The following ACSL6 variants were observed in gnomAD, a reference collection of about 807,000 sequenced individuals.
The protein encoded by ACSL6 is acyl-CoA synthetase long chain family member 6.
A neutral mutation model predicts 98.2 loss-of-function variants in ACSL6; 47 were observed. The observed-to-expected ratio is 0.48, with a 90% CI of 0.38 to 0.61. The LOEUF (loss-of-function observed/expected upper bound fraction) is 0.61. Ranked by LOEUF, ACSL6 falls within the 20% of genes least tolerant of loss-of-function variation. The pLI, the probability that ACSL6 is intolerant of heterozygous loss-of-function variation, is 0.00. For missense variants in ACSL6, 761 were observed against 913.4 expected, an observed-to-expected ratio of 0.83 and a Z score of 2.15; for synonymous variants, 362 against 336.9, an observed-to-expected ratio of 1.07 and a Z score of -0.82.
rs115168931 is a variant in ACSL6, at chr5:131,968,289, A to G, written c.1508-261T>C. Reference sequence around the variant, plus strand: ...GGACAGGCACACCTGGCCCAGCACCAACGTGCACAGGGTCCTGGGTAGGGT... The same window carrying G: ...GGACAGGCACACCTGGCCCAGCACCGACGTGCACAGGGTCCTGGGTAGGGT... On this transcript the variant is annotated intron_variant, in intron 15 of 20. Transcript: ENST00000651883. 6.9e-4 allele frequency: 279 copies of G among 402,592 alleles called. 1 individual carries two copies. Among genetic ancestry groups the G allele is most frequent in the African/African-American group, 4.8e-3 (240 of 49,648 alleles). The allele number at this position is 402,592 out of a possible 1,614,324, so 24.9% of individuals were successfully genotyped here.
At chr5:132,008,909 T>C (rs1395730713) in intron 1 of ACSL6, among the ~76,000 whole-genome samples, 3 of 152,256 alleles carry the variant, frequency 2.0e-5, no homozygotes, top group Non-Finnish European at 1.5e-5. Context: ...CTTCCTACTT[T>C]GCACAAAGGT....
At chr5:131,959,132 G>A (rs1255215454) in intron 20 of ACSL6, among the ~76,000 whole-genome samples, 7 of 152,174 alleles carry the variant, frequency 4.6e-5, no homozygotes, top group East Asian at 1.9e-4. Flanking sequence ...TCACTGGCCC[G>A]AGAAGACCAA....
Position 131,972,844 on chromosome 5 carries a change from T to G in ACSL6, c.1218A>C (p.Ala406=). ...GGAGCCAGCGCTTTAATGGTGTGTT[T>G]GCCTGGCTGAAGATCTGAGGAACAT... is the stretch of plus-strand genomic sequence containing the variant. The part of the protein sequence containing the change: ...NRMYDKIFSQ[A]NTPLKRWLLE... Residue 406 remains alanine, a synonymous_variant, in exon 13 of 21, where the codon GCA becomes GCC. Transcript: ENST00000651883. 1 of 1,614,250 alleles carries G rather than the reference T, an allele frequency of 6.2e-7. No individual in the cohort carries two copies. Among genetic ancestry groups the G allele is most frequent in the African/African-American group, 1.3e-5 (1 of 75,068 alleles).
At chr5:131,967,028 A>G (rs1753048660) in intron 16 of ACSL6, among the ~76,000 whole-genome samples, 2 of 152,190 alleles carry the variant, frequency 1.3e-5, no homozygotes, top group Admixed American at 1.3e-4. Flanking sequence ...GCCATGACAC[A>G]GTTAGGGGAA....
rs773296397 is a variant in ACSL6, at chr5:131,972,886, T to G, written c.1204-28A>C. Reference sequence around the variant, plus strand: ...GAGGAACATAAGTTGGAAGCAGCTGTCAGAGCCTGAATGTCTCATTTCTAG... The same window carrying G: ...GAGGAACATAAGTTGGAAGCAGCTGGCAGAGCCTGAATGTCTCATTTCTAG... On this transcript the variant is annotated intron_variant, in intron 12 of 20. Transcript: ENST00000651883. 9.9e-6 allele frequency: 16 copies of G among 1,613,978 alleles called. No homozygotes were observed. In the East Asian group the frequency reaches 3.3e-4, roughly 34 times the overall value.
intron 1 of ACSL6, among the ~76,000 whole-genome samples, chr5:132,000,675 C>G (rs1755039786): frequency 6.6e-6 from 1 of 152,162 alleles, no homozygotes; most frequent in South Asian, 2.1e-4. Context: ...AAGTAAAAGA[C>G]AAGTCTAGGC....
intron 2 of ACSL6, 127 bp from the exon 3 acceptor site, chr5:131,991,094 A>G: frequency 1.4e-6 from 1 of 736,214 alleles, no homozygotes; most frequent in South Asian, 1.7e-5. Context: ...GCACCGTGGC[A>G]TCTGTGTGCC....
rs1753382617 is a variant in ACSL6 at position 131,972,791 on chromosome 5, G to A, written c.1271C>T (p.Ala424Val). ...LLEFAAKRKQAEVRSGIIRND... is the reference protein window; with the variant it reads ...LLEFAAKRKQVEVRSGIIRND... ...CCTGATGATTCCACTCCGGACCTCG[G>A]CTTGCTTACGCTTTGCTGCAAACTC... Residue 424 changes from alanine to valine, a missense_variant, in exon 13 of 21, where the codon GCC (alanine) becomes GTC (valine). Physicochemically the swap from Ala to Val is moderately conservative, Grantham distance 64 (BLOSUM62 0). Coordinates refer to ENST00000651883, the MANE Select transcript of ACSL6 (RefSeq NM_001009185.3). 1 of 1,614,152 alleles carries A rather than the reference G, an allele frequency of 6.2e-7. No homozygotes were observed.
chr5:131,962,759 G>A, intron 17 of ACSL6, 81 bp from the exon 18 acceptor site: 1 of 1,523,804 alleles, frequency 6.6e-7, no homozygotes, highest in Non-Finnish European at 9.0e-7. Context: ...GTAACTCCCT[G>A]CCCTACCCCA....
intron 14 of ACSL6, 90 bp from the exon 15 acceptor site, chr5:131,970,290 G>A: frequency 8.4e-7 from 1 of 1,196,026 alleles, no homozygotes; most frequent in East Asian, 2.3e-5. Context: ...CTCCCACTGA[G>A]CGTGTCTGAC....
intron 11 of ACSL6, 143 bp downstream of exon 11, chr5:131,974,748 AGG>A (rs1316489443): frequency 6.2e-7 from 1 of 1,603,974 alleles, no homozygotes; most frequent in Non-Finnish European, 8.5e-7. Flanking sequence ...CCCTGATGCC[AGG>A]GCCTTACCTG....
At chr5:131,999,314 CACTT>C (rs1754949703) in intron 1 of ACSL6, 1 of 152,238 alleles carries the variant, frequency 6.6e-6, no homozygotes, top group Non-Finnish European at 1.5e-5. Flanking sequence ...GTAAGGGAAA[CACTT>C]AGTAGATAGC....
chr5:131,969,332 A>AT, intron 15 of ACSL6, among the ~76,000 whole-genome samples: 1 of 152,280 alleles, frequency 6.6e-6, no homozygotes, highest in African/African-American at 2.4e-5. Flanking sequence ...GTATAGAAGC[A>AT]TTTTTTCCTT....
At position 131,972,807 on chromosome 5, in the gene ACSL6, C is replaced by T; in HGVS notation, c.1255G>A (p.Ala419Thr). 6.2e-7 allele frequency: 1 copy of T among 1,614,218 alleles called. No homozygotes were observed. The highest frequency in any genetic ancestry group is 2.2e-5 in the East Asian group (1 of 44,886). The change falls in exon 13 of 21, where the codon GCA (alanine) becomes ACA (threonine). Residue 419 changes from alanine (A) to threonine (T), a missense_variant. Coordinates refer to ENST00000651883, the MANE Select transcript of ACSL6 (RefSeq NM_001009185.3). ...PLKRWLLEFA[A>T]KRKQAEVRSG... ...CGGACCTCGGCTTGCTTACGCTTTG[C>T]TGCAAACTCCAGGAGCCAGCGCTTT...
At chr5:131,964,370 CAAT>C (rs1381021950) in intron 17 of ACSL6, among the ~76,000 whole-genome samples, 1 of 152,152 alleles carries the variant, frequency 6.6e-6, no homozygotes, top group Non-Finnish European at 1.5e-5. Flanking sequence ...ATAAGTATCT[CAAT>C]AGCTGCAATA....
chr5:131,990,795 C>A, intron 3 of ACSL6, 58 bp downstream of exon 3: 1 of 1,525,264 alleles, frequency 6.6e-7, no homozygotes, highest in Non-Finnish European at 9.0e-7. Flanking sequence ...CCCACCCTTG[C>A]ACCCACTCCA....
At chr5:131,994,569 T>C in intron 1 of ACSL6, 4 of 389,420 alleles carry the variant, frequency 1.0e-5, no homozygotes, top group Non-Finnish European at 1.9e-5. Context: ...CTGGGAATGA[T>C]GCTTCCTGGA....
intron 12 of ACSL6, 75 bp from the exon 13 acceptor site, chr5:131,972,933 C>T: frequency 6.3e-7 from 1 of 1,596,452 alleles, no homozygotes; most frequent in Admixed American, 1.7e-5. Flanking sequence ...AGGAATAAGG[C>T]CCAGACTGGC....
intron 17 of ACSL6, 56 bp downstream of exon 17, chr5:131,966,360 C>T: frequency 1.3e-6 from 2 of 1,557,060 alleles, no homozygotes; most frequent in Non-Finnish European, 8.9e-7. Context: ...GTGACCCGGA[C>T]CACACACCCT....
Sources: allele counts gnomAD v4.1 joint callset (sites outside exome capture counted in the v4.1 genomes callset), GRCh38; gene constraint gnomAD v4.1.1; transcripts MANE v1.5; gene names NCBI Gene and HGNC (gene_info 2026-07-23, HGNC 2026-07-21).